The following CNOT10 variants were observed in gnomAD, a reference collection of about 807,000 sequenced individuals.
The protein encoded by CNOT10 is CCR4-NOT transcription complex subunit 10.
In CNOT10, 30 loss-of-function variants were observed where a neutral mutation model predicts 94.6. That is an observed-to-expected ratio of 0.32 (90% confidence interval 0.24 to 0.43). CNOT10 has a LOEUF of 0.43. CNOT10 is among the 20% of genes least tolerant of loss of function. The pLI is 1.00. For missense variants in CNOT10, 759 were observed against 877.2 expected, an observed-to-expected ratio of 0.87 and a Z score of 1.70; for synonymous variants, 289 against 301.6, an observed-to-expected ratio of 0.96 and a Z score of 0.43.
chr3:32,708,850 C>T (rs754412263), intron 4 of CNOT10, 30 bp downstream of exon 4: 2 of 1,579,312 alleles, frequency 1.3e-6, no homozygotes, highest in Admixed American at 1.9e-5. Flanking sequence ...AAAAATTTCC[C>T]TATCTTCCCT....
At chr3:32,734,029 A>G (rs541777411) in intron 11 of CNOT10, among the ~76,000 whole-genome samples, 1 of 152,312 alleles carries the variant, frequency 6.6e-6, no homozygotes, top group East Asian at 1.9e-4. Flanking sequence ...AATTGCCATT[A>G]TTTGTAAAGT....
intron 1 of CNOT10, among the ~76,000 whole-genome samples, chr3:32,685,752 A>G (rs1455873521): frequency 6.6e-6 from 1 of 152,046 alleles, no homozygotes; most frequent in African/African-American, 2.4e-5. Context: ...AAAAAGCTTA[A>G]ATGTATTTTG....
chr3:32,753,187 C>T (rs1700040166), intron 13 of CNOT10: 5 of 662,282 alleles, frequency 7.5e-6, no homozygotes, highest in Non-Finnish European at 1.1e-5. Context: ...ATGAAAAAAA[C>T]TATGCTGCTG....
intron 12 of CNOT10, among the ~76,000 whole-genome samples, chr3:32,735,455 C>T (rs751842170): frequency 2.0e-5 from 3 of 152,160 alleles, no homozygotes; most frequent in Non-Finnish European, 4.4e-5. Context: ...CGCCTGTAAT[C>T]CCAGCACTTT....
intron 7 of CNOT10, among the ~76,000 whole-genome samples, chr3:32,719,582 G>A (rs1250875083): frequency 2.0e-5 from 3 of 152,154 alleles, no homozygotes; most frequent in Non-Finnish European, 4.4e-5. Context: ...CATTCAAAAC[G>A]TGATCTTTGG....
At chr3:32,711,140 T>G (rs1697871428) in intron 4 of CNOT10, among the ~76,000 whole-genome samples, 1 of 152,162 alleles carries the variant, frequency 6.6e-6, no homozygotes, top group Admixed American at 6.5e-5. Context: ...TTACCCCCGT[T>G]AAGCTTCTAT....
intron 8 of CNOT10, among the ~76,000 whole-genome samples, chr3:32,720,946 TCCTTCCCTTCCCTC>T (rs1419976653): frequency 2.1e-5 from 3 of 140,478 alleles, no homozygotes; most frequent in Non-Finnish European, 4.6e-5. Flanking sequence ...CTTCTTCCCT[TCCTTCCCTTCCCTC>T]CCTTCCCTCC....
At chr3:32,689,789 T>TA (rs1326252949) in intron 1 of CNOT10, among the ~76,000 whole-genome samples, 3 of 151,906 alleles carry the variant, frequency 2.0e-5, no homozygotes, top group Non-Finnish European at 4.4e-5. Context: ...CTTGTCTCCG[T>TA]AAAAAATAAA....
chr3:32,692,833 C>T (rs1696905591), intron 1 of CNOT10, among the ~76,000 whole-genome samples: 1 of 152,126 alleles, frequency 6.6e-6, no homozygotes, highest in South Asian at 2.1e-4. Flanking sequence ...ATCGCTTGAG[C>T]CCAGGAGTTC....
intron 8 of CNOT10, among the ~76,000 whole-genome samples, 185 bp downstream of exon 8, chr3:32,720,416 C>A (rs1039471197): frequency 6.6e-6 from 1 of 152,080 alleles, no homozygotes; most frequent in African/African-American, 2.4e-5. Context: ...AACCTCATTA[C>A]TTCTTGCTTT....
intron 13 of CNOT10, among the ~76,000 whole-genome samples, chr3:32,748,646 G>T (rs1422127588): frequency 6.6e-6 from 1 of 151,750 alleles, no homozygotes; most frequent in Non-Finnish European, 1.5e-5. Context: ...CCGAGTAGCT[G>T]GGATTACAGC....
chr3:32,731,523 T>G (rs1429141776), intron 10 of CNOT10, among the ~76,000 whole-genome samples: 1 of 152,130 alleles, frequency 6.6e-6, no homozygotes, highest in Non-Finnish European at 1.5e-5. Flanking sequence ...CACTCAGGCT[T>G]GAGTGCAGTG....
At chr3:32,713,137 A>T in intron 4 of CNOT10, 90 bp from the exon 5 acceptor site, 1 of 1,051,018 alleles carries the variant, frequency 9.5e-7, no homozygotes, top group Non-Finnish European at 1.4e-6. Flanking sequence ...TTTGCTATTT[A>T]AAGCTTTGTA....
chr3:32,710,019 G>A (rs1697807867), intron 4 of CNOT10, among the ~76,000 whole-genome samples: 1 of 151,984 alleles, frequency 6.6e-6, no homozygotes, highest in African/African-American at 2.4e-5. Flanking sequence ...GGTGGCACAT[G>A]CCTGTAATCC....
intron 12 of CNOT10, 140 bp downstream of exon 12, chr3:32,735,116 T>A (rs1045509866): frequency 1.4e-5 from 10 of 718,824 alleles, no homozygotes; most frequent in Middle Eastern, 4.1e-4. Context: ...AGGAAAGTAT[T>A]TATGTTTCTG....
intron 1 of CNOT10, among the ~76,000 whole-genome samples, chr3:32,687,911 G>A (rs769605350): frequency 5.3e-5 from 8 of 152,142 alleles, no homozygotes. Flanking sequence ...TCCGTCTGGT[G>A]AACACTATTC....
chr3:32,727,395 A>G (rs1379009770), intron 9 of CNOT10, among the ~76,000 whole-genome samples: 1 of 152,172 alleles, frequency 6.6e-6, no homozygotes, highest in Non-Finnish European at 1.5e-5. Flanking sequence ...GGGTCCCATC[A>G]CTTATCTTTG....
chr3:32,753,925 C>CAT (rs1700079022), intron 13 of CNOT10: 11 of 1,073,918 alleles, frequency 1.0e-5, no homozygotes, highest in Non-Finnish European at 1.4e-5. Context: ...CTCTCACACA[C>CAT]ACACACACAC....
At chr3:32,745,972 A>G (rs1699679284) in intron 13 of CNOT10, among the ~76,000 whole-genome samples, 1 of 152,250 alleles carries the variant, frequency 6.6e-6, no homozygotes, top group Non-Finnish European at 1.5e-5. Context: ...AACCTGGGTG[A>G]CAAAGTGAGA....
Sources: gnomAD v4.1 joint callset for allele counts (sites outside exome capture counted in the v4.1 genomes callset) on GRCh38, gnomAD v4.1.1 for gene constraint, MANE v1.5 for transcripts, NCBI Gene and HGNC (gene_info 2026-07-23, HGNC 2026-07-21) for gene names.